RSRC1: variants seen among roughly 807,000 people sequenced by gnomAD.
RSRC1 encodes serine/Arginine-related protein 53.
Under a neutral mutation model 49.1 loss-of-function variants are expected in RSRC1, and 39 were observed. The ratio of observed to expected loss-of-function variants is 0.79; its 90% CI spans 0.61 to 1.04. The LOEUF is 1.04. RSRC1 is among the 50% of genes least tolerant of loss of function. The pLI, the probability that RSRC1 is intolerant of heterozygous loss-of-function variation, is 0.00. For missense variants in RSRC1, 388 were observed against 402.4 expected, an observed-to-expected ratio of 0.96 and a Z score of 0.31; for synonymous variants, 143 against 130.8, an observed-to-expected ratio of 1.09 and a Z score of -0.63.
chr3:158,116,189 CT>C (rs1481637242), intron 1 of RSRC1, among the ~76,000 whole-genome samples: 1 of 152,120 alleles, frequency 6.6e-6, no homozygotes, highest in African/African-American at 2.4e-5. Context: ...CAAATTTTTG[CT>C]TGCAAGCTTG....
intron 5 of RSRC1, among the ~76,000 whole-genome samples, chr3:158,310,445 TA>T (rs1014420367): frequency 2.6e-5 from 4 of 151,934 alleles, no homozygotes; most frequent in African/African-American, 9.6e-5. Flanking sequence ...TTCAATTTTT[TA>T]AATTGGTTTA....
intron 4 of RSRC1, chr3:158,276,512 C>A (rs1725826712): frequency 5.4e-6 from 3 of 558,018 alleles, no homozygotes; most frequent in African/African-American, 3.8e-5. Context: ...TTTCATGTTA[C>A]CCCTCTTTTC....
Position 158,482,186 on chromosome 3 carries a change from CACATTT to C in RSRC1, c.652+21187_652+21192del, listed in dbSNP as rs1399096787. Among the ~76,000 whole-genome samples, 3 of 151,202 alleles carry C rather than the reference CACATTT, an allele frequency of 2.0e-5. No homozygotes were observed. The East Asian group carries it at 5.8e-4, about 29-fold the overall frequency. On this transcript the variant is annotated intron_variant, in intron 7 of 9. Coordinates refer to ENST00000611884, the MANE Select transcript of RSRC1 (RefSeq NM_001271838.2). ...ATTAACAAATTAGTTTGATAAAATT[CACATTT>C]ACAAAGAGAAAGCTACCACTCAGCA...
chr3:158,256,568 G>A (rs1724573249), intron 4 of RSRC1, among the ~76,000 whole-genome samples: 1 of 152,158 alleles, frequency 6.6e-6, no homozygotes, highest in South Asian at 2.1e-4. Context: ...TTGGTATCAG[G>A]ATGATGCTGG....
chr3:158,462,334 T>C lies in RSRC1; in HGVS notation c.652+1331T>C, dbSNP rs547026630. On this transcript the variant is annotated intron_variant, in intron 7 of 9. Coordinates refer to ENST00000611884, the MANE Select transcript of RSRC1 (RefSeq NM_001271838.2). ...AATGCAAATGTGTCTAAGCAAATTA[T>C]AATTTTTAAGTACTGCTATGTTGTG... Among the ~76,000 whole-genome samples, 3 of 152,074 alleles carry C rather than the reference T, an allele frequency of 2.0e-5. No individual in the cohort carries two copies. In the South Asian group the frequency reaches 6.2e-4, roughly 32 times the overall value.
intron 5 of RSRC1, among the ~76,000 whole-genome samples, chr3:158,339,298 C>CAA (rs57120150): frequency 5.4e-4 from 40 of 73,788 alleles, no homozygotes; most frequent in African/African-American, 7.1e-4. Context: ...GACTCCGTCT[C>CAA]AAAAAAAAAA....
At chr3:158,195,962 GA>G (rs1182340810) in intron 3 of RSRC1, among the ~76,000 whole-genome samples, 1 of 152,020 alleles carries the variant, frequency 6.6e-6, no homozygotes, top group Non-Finnish European at 1.5e-5. Flanking sequence ...TTTGGCTTAG[GA>G]TTGACTTGGC....
chr3:158,353,921 T>C (rs1251598576), intron 5 of RSRC1, among the ~76,000 whole-genome samples: 1 of 151,952 alleles, frequency 6.6e-6, no homozygotes, highest in Non-Finnish European at 1.5e-5. Flanking sequence ...ATATAATTTG[T>C]TGTTGTTGTT....
At chr3:158,391,233 T>G (rs1481434854) in intron 6 of RSRC1, among the ~76,000 whole-genome samples, 3 of 152,182 alleles carry the variant, frequency 2.0e-5, no homozygotes, top group Admixed American at 6.5e-5. Context: ...TTAAGCAGTT[T>G]AACCTTTTAA....
chr3:158,481,358 AG>A (rs1273859126), intron 7 of RSRC1, among the ~76,000 whole-genome samples: 1 of 152,124 alleles, frequency 6.6e-6, no homozygotes, highest in African/African-American at 2.4e-5. Flanking sequence ...CACAGATCAT[AG>A]GCAATCACTG....
chr3:158,312,408 A>G (rs1012380806), intron 5 of RSRC1, among the ~76,000 whole-genome samples: 2 of 152,186 alleles, frequency 1.3e-5, no homozygotes, highest in Non-Finnish European at 2.9e-5. Flanking sequence ...GCTAGGTGAT[A>G]GATATGGAAT....
chr3:158,243,109 A>G (rs753363813), intron 4 of RSRC1, among the ~76,000 whole-genome samples: 30 of 152,148 alleles, frequency 2.0e-4, no homozygotes, highest in Non-Finnish European at 4.1e-4. Context: ...TGTCTTTGTC[A>G]TGAAATCTTT....
chr3:158,388,359 G>T (rs1030502699), intron 6 of RSRC1, among the ~76,000 whole-genome samples: 1 of 151,918 alleles, frequency 6.6e-6, no homozygotes, highest in African/African-American at 2.4e-5. Context: ...TTTATGTTGT[G>T]TGTACTGTAA....
chr3:158,419,486 C>G (rs1260871931), intron 6 of RSRC1, among the ~76,000 whole-genome samples: 1 of 151,772 alleles, frequency 6.6e-6, no homozygotes, highest in Non-Finnish European at 1.5e-5. Context: ...GAGAGAGTGC[C>G]CTGAGTTGTA....
intron 3 of RSRC1, among the ~76,000 whole-genome samples, chr3:158,192,971 G>A (rs1233920194): frequency 6.6e-6 from 1 of 152,116 alleles, no homozygotes; most frequent in Non-Finnish European, 1.5e-5. Context: ...GCTATGGTAT[G>A]AGGGAAACAT....
chr3:158,363,872 C>T (rs1213271153), intron 6 of RSRC1, among the ~76,000 whole-genome samples: 7 of 151,988 alleles, frequency 4.6e-5, no homozygotes, highest in Non-Finnish European at 8.8e-5. Context: ...TTTTCTAACA[C>T]CTAGCTATGG....
At chr3:158,313,649 A>G (rs1053098050) in intron 5 of RSRC1, among the ~76,000 whole-genome samples, 4 of 152,236 alleles carry the variant, frequency 2.6e-5, no homozygotes, top group African/African-American at 7.2e-5. Context: ...CACAAAAACT[A>G]TCTCATGCAT....
chr3:158,462,769 CA>C (rs1426778296), intron 7 of RSRC1, among the ~76,000 whole-genome samples: 2 of 151,834 alleles, frequency 1.3e-5, no homozygotes, highest in African/African-American at 4.8e-5. Flanking sequence ...GATACTTGAA[CA>C]TTATAATTCT....
At chr3:158,472,458 A>G (rs1308805944) in intron 7 of RSRC1, among the ~76,000 whole-genome samples, 1 of 152,144 alleles carries the variant, frequency 6.6e-6, no homozygotes. Context: ...ATACTTGTCC[A>G]TTTCCAAATT....
Sources: gnomAD v4.1 joint callset for allele counts (sites outside exome capture counted in the v4.1 genomes callset) on GRCh38, gnomAD v4.1.1 for gene constraint, MANE v1.5 for transcripts, NCBI Gene and HGNC (gene_info 2026-07-23, HGNC 2026-07-21) for gene names.